Variants in CNTN4 observed in about 807,000 individuals in gnomAD.
CNTN4 encodes the protein contactin-4.
CNTN4 carries 77 observed loss-of-function variants against 122.5 expected under a neutral mutation model. The observed-to-expected ratio is 0.63, with a 90% CI of 0.52 to 0.76. CNTN4 has a LOEUF of 0.76. Ranked by LOEUF, CNTN4 falls within the 30% of genes least tolerant of loss-of-function variation. The probability of loss-of-function intolerance (pLI) is 0.00; values close to 1 mark genes in which losing one functional copy is unlikely to be tolerated. For synonymous variants in CNTN4, 512 were observed against 447.0 expected (o/e 1.15, Z -1.83); for missense variants, 1,256 against 1,259.1 (o/e 1.00, Z 0.04).
At chr3:2,478,638 T>A (rs1305591132) in intron 3 of CNTN4, among the ~76,000 whole-genome samples, 1 of 152,130 alleles carries the variant, frequency 6.6e-6, no homozygotes, top group Admixed American at 6.6e-5. Context: ...ATGTGTCCCT[T>A]TGTTCTCATC....
chr3:2,257,131 G>A (rs2040627564), intron 2 of CNTN4, among the ~76,000 whole-genome samples: 1 of 150,852 alleles, frequency 6.6e-6, no homozygotes, highest in African/African-American at 2.4e-5. Flanking sequence ...CAGAAATAAT[G>A]CCTCACATCT....
intron 4 of CNTN4, among the ~76,000 whole-genome samples, chr3:2,588,869 T>C (rs2080332124): frequency 6.6e-6 from 1 of 151,672 alleles, no homozygotes; most frequent in African/African-American, 2.4e-5. Flanking sequence ...AGATGAATCA[T>C]ATTTTTGTGT....
chr3:2,509,361 C>T (rs1218385721), intron 3 of CNTN4, among the ~76,000 whole-genome samples: 1 of 151,956 alleles, frequency 6.6e-6, no homozygotes, highest in Non-Finnish European at 1.5e-5. Flanking sequence ...GTAATAATAT[C>T]TGAAGAAAAA....
intron 3 of CNTN4, among the ~76,000 whole-genome samples, chr3:2,565,879 G>T (rs2149456211): frequency 1.3e-5 from 2 of 152,092 alleles, no homozygotes; most frequent in East Asian, 3.8e-4. Flanking sequence ...TGGGAACTGT[G>T]GATGATCCTT....
At chr3:2,586,684 C>G (rs1475526535) in intron 4 of CNTN4, among the ~76,000 whole-genome samples, 1 of 152,194 alleles carries the variant, frequency 6.6e-6, no homozygotes, top group Non-Finnish European at 1.5e-5. Context: ...CCTTCAATAG[C>G]TTCCTCCTCA....
At chr3:3,012,184 A>G (rs940309081) in intron 14 of CNTN4, among the ~76,000 whole-genome samples, 1 of 152,122 alleles carries the variant, frequency 6.6e-6, no homozygotes, top group Non-Finnish European at 1.5e-5. Flanking sequence ...GAATCTAGAT[A>G]GCTGGTTTTC....
chr3:2,982,868 G>T (rs1221986721), intron 13 of CNTN4, among the ~76,000 whole-genome samples: 1 of 152,058 alleles, frequency 6.6e-6, no homozygotes, highest in African/African-American at 2.4e-5. Flanking sequence ...CAAAAGTAAT[G>T]ATTTATTATG....
In CNTN4 at chr3:2,243,780, A is replaced by T. The variant is rs571906967; in HGVS notation, c.-144-95398A>T. Among the ~76,000 whole-genome samples, 4 of 152,194 alleles carry T rather than the reference A, an allele frequency of 2.6e-5. No individual in the cohort carries two copies. In the South Asian group the frequency reaches 8.3e-4, roughly 32 times the overall value. ...ATCCTTGAAACCTTTAGTATTTTAC[A>T]TGTAGAGAGGTCATTGTTCAGACTC... On this transcript the variant is annotated intron_variant, in intron 2 of 24. Coordinates refer to ENST00000418658, the MANE Select transcript of CNTN4 (RefSeq NM_175607.3).
intron 3 of CNTN4, among the ~76,000 whole-genome samples, chr3:2,452,885 CTT>C (rs1210034294): frequency 1.3e-5 from 2 of 152,110 alleles, no homozygotes; most frequent in Non-Finnish European, 2.9e-5. Flanking sequence ...CTAGACCCCT[CTT>C]CTCCATGAAC....
intron 2 of CNTN4, among the ~76,000 whole-genome samples, chr3:2,263,571 T>A (rs1045285444): frequency 6.6e-6 from 1 of 152,124 alleles, no homozygotes; most frequent in African/African-American, 2.4e-5. Flanking sequence ...GTAGTAATGA[T>A]CAAATTAGAG....
At chr3:2,119,775 T>C (rs2033599178) in intron 2 of CNTN4, among the ~76,000 whole-genome samples, 1 of 144,446 alleles carries the variant, frequency 6.9e-6, no homozygotes, top group South Asian at 2.5e-4. Context: ...CTAGATCCTA[T>C]GGGTAGAAAA....
intron 4 of CNTN4, among the ~76,000 whole-genome samples, chr3:2,667,339 C>A (rs970613927): frequency 6.6e-6 from 1 of 152,120 alleles, no homozygotes; most frequent in African/African-American, 2.4e-5. Flanking sequence ...CTCTGATGGC[C>A]AGTGATAATG....
At chr3:2,445,109 T>G (rs2048575388) in intron 3 of CNTN4, among the ~76,000 whole-genome samples, 1 of 152,168 alleles carries the variant, frequency 6.6e-6, no homozygotes, top group Non-Finnish European at 1.5e-5. Flanking sequence ...TTCATCTGAT[T>G]ACTAATCCTG....
chr3:2,140,440 T>C (rs1030775432), intron 2 of CNTN4, among the ~76,000 whole-genome samples: 2 of 152,154 alleles, frequency 1.3e-5, no homozygotes, highest in Non-Finnish European at 2.9e-5. Flanking sequence ...CTTACAATTC[T>C]AGGGTCTTGG....
chr3:2,934,933 T>C (rs945608670), intron 13 of CNTN4, among the ~76,000 whole-genome samples: 7 of 152,240 alleles, frequency 4.6e-5, no homozygotes, highest in African/African-American at 1.2e-4. Flanking sequence ...AATTCAGACC[T>C]AGAACTTCTT....
chr3:3,049,841 CAG>C (rs1491059699), intron 23 of CNTN4, among the ~76,000 whole-genome samples: 1 of 132,652 alleles, frequency 7.5e-6, no homozygotes, highest in Non-Finnish European at 1.7e-5. Flanking sequence ...TCACCAACTG[CAG>C]AGTTTGTGAT....
At chr3:2,809,269 G>A (rs563477514) in intron 6 of CNTN4, among the ~76,000 whole-genome samples, 4 of 152,338 alleles carry the variant, frequency 2.6e-5, no homozygotes, top group Middle Eastern at 6.8e-3. Flanking sequence ...CTGCTCTGAA[G>A]AAGGGTCATT....
At chr3:2,300,716 CG>C (rs545696747) in intron 2 of CNTN4, among the ~76,000 whole-genome samples, 9 of 151,634 alleles carry the variant, frequency 5.9e-5, no homozygotes, top group African/African-American at 1.7e-4. Context: ...GGATCACAGG[CG>C]CGCGCCACCA....
chr3:3,043,733 C>A, intron 23 of CNTN4, 29 bp downstream of exon 23: 1 of 1,443,570 alleles, frequency 6.9e-7, no homozygotes, highest in Non-Finnish European at 9.7e-7. Context: ...GCAAAGGCAC[C>A]TAATCGTGCT....
Sources: allele counts gnomAD v4.1 joint callset (sites outside exome capture counted in the v4.1 genomes callset), GRCh38; gene constraint gnomAD v4.1.1; transcripts MANE v1.5; gene names NCBI Gene and HGNC (gene_info 2026-07-23, HGNC 2026-07-21).